SIGLEC12: variants seen among roughly 807,000 people sequenced by gnomAD.
SIGLEC12 encodes sialic acid binding Ig like lectin 12.
Under a neutral mutation model 54.1 loss-of-function variants are expected in SIGLEC12, and 43 were observed. That is an observed-to-expected ratio of 0.80 (90% CI 0.62 to 1.03). The LOEUF is 1.03. Ranked by LOEUF, SIGLEC12 falls within the 50% of genes least tolerant of loss-of-function variation. The pLI, the probability that SIGLEC12 is intolerant of heterozygous loss-of-function variation, is 0.00. For missense variants in SIGLEC12, 802 were observed against 735.2 expected (o/e 1.09, Z -1.05); for synonymous variants, 357 against 307.6 (o/e 1.16, Z -1.68).
intron 1 of SIGLEC12, 53 bp downstream of exon 1, chr19:51,501,254 C>T: frequency 6.3e-7 from 1 of 1,577,538 alleles, no homozygotes; most frequent in South Asian, 1.1e-5. Context: ...TCAGCCGTGC[C>T]CTAAAGCCCT....
rs1555775986 is a variant in SIGLEC12, at chr19:51,495,217, G to GGATGGA, written c.1599+1662_1599+1663insTCCATC. Among the ~76,000 whole-genome samples the GGATGGA allele has an allele frequency of 1.6e-4, 13 of 78,812 alleles. 2 individuals carry two copies. Among genetic ancestry groups the GGATGGA allele is most frequent in the East Asian group, 4.1e-4 (1 of 2,440 alleles). The allele number at this position is 78,812 out of a possible 152,430, so 51.7% of individuals were successfully genotyped here. A position where few individuals can be genotyped will look rare whatever the true frequency, so the allele number is the denominator to read the frequency against. ...GATGGATGGACGGACGGGTGGGTGGGTGGATGGATGGATGGATGGATGGAT... is the reference window on the plus strand; with the variant it reads ...GATGGATGGACGGACGGGTGGGTGGGGATGGATGGATGGATGGATGGATGGATGGAT... On this transcript the variant is annotated intron_variant, in intron 7 of 7. Coordinates refer to ENST00000291707, the MANE Select transcript of SIGLEC12 (RefSeq NM_053003.4).
At chr19:51,496,405 TG>T (rs2122212998) in intron 7 of SIGLEC12, among the ~76,000 whole-genome samples, 1 of 152,256 alleles carries the variant, frequency 6.6e-6, no homozygotes, top group Non-Finnish European at 1.5e-5. Context: ...GTGGAGGTTG[TG>T]GTGAGCTGAG....
chr19:51,497,384 G>A lies in SIGLEC12; in HGVS notation c.1467C>T (p.Ala489=). The change falls in exon 6 of 8, where the codon GCC becomes GCT. Residue 489 remains alanine, a synonymous_variant. Coordinates refer to ENST00000291707, the MANE Select transcript of SIGLEC12 (RefSeq NM_053003.4). ...LGAFGGAGAT[A]LVFLYFCIIF... The stretch of plus-strand genomic sequence containing the variant: ...TGATGCAGAAGTACAGGAAGACCAG[G>A]GCTGTGGCTCCAGCTCCCCCGAATG... 5 of 1,613,292 alleles carry A rather than the reference G, an allele frequency of 3.1e-6. No individual in the cohort carries two copies. Among genetic ancestry groups the A allele is most frequent in the Non-Finnish European group, 4.2e-6 (5 of 1,179,382 alleles).
At chr19:51,501,170 G>A in intron 1 of SIGLEC12, 137 bp downstream of exon 1, 4 of 915,302 alleles carry the variant, frequency 4.4e-6, no homozygotes, top group Non-Finnish European at 6.8e-6. Context: ...CGGTCCTGGG[G>A]AAGCTCAGGC....
chr19:51,499,491 G>A lies in SIGLEC12; in HGVS notation c.1034C>T (p.Thr345Ile), dbSNP rs1483869617. 1.9e-6 allele frequency: 3 copies of A among 1,607,060 alleles called. No individual in the cohort carries two copies. The highest frequency in any genetic ancestry group is 1.7e-6 in the Non-Finnish European group (2 of 1,176,980). The change falls in exon 3 of 8, where the codon ACC (threonine) becomes ATC (isoleucine). Residue 345 changes from threonine (T) to isoleucine (I), a missense_variant. By Grantham distance (89) the Thr-to-Ile change is moderately conservative (BLOSUM62 -1). Coordinates refer to ENST00000291707, the MANE Select transcript of SIGLEC12 (RefSeq NM_053003.4). ...DHGTSLTCQV[T>I]LPGAGVTMTR... ...CATGGTCACGCCGGCCCCAGGCAAG[G>A]TCACCTGACAGGTGAGGCTGGTGCC...
rs1162633872 is a variant in SIGLEC12, at chr19:51,497,683, AT to A, written c.1406-239del. ...TGGAATTATTTTACAATAATTTTTA[AT>A]TTTCGAAAAGATAATCACATGGCAA... On this transcript the variant is annotated intron_variant, in intron 5 of 7. Coordinates refer to ENST00000291707, the MANE Select transcript of SIGLEC12 (RefSeq NM_053003.4). Among the ~76,000 whole-genome samples, 4 of 152,158 alleles carry A rather than the reference AT, an allele frequency of 2.6e-5. No individual in the cohort carries two copies. The East Asian group carries it at 7.7e-4, about 29-fold the overall frequency.
Position 51,500,591 on chromosome 19 carries a change from A to G in SIGLEC12, c.428-291T>C, listed in dbSNP as rs956960170. Among the ~76,000 whole-genome samples, 6 of 152,130 alleles carry G rather than the reference A, an allele frequency of 3.9e-5. 1 individual carries two copies. The highest frequency in any genetic ancestry group is 8.8e-5 in the Non-Finnish European group (6 of 67,996). ...AGAGACCCTAGAGACCCACCCAGGG[A>G]GGAGAAGAGACCGTGTCCCGCCTCC... On this transcript the variant is annotated intron_variant, in intron 1 of 7. Coordinates refer to ENST00000291707, the MANE Select transcript of SIGLEC12 (RefSeq NM_053003.4).
intron 7 of SIGLEC12, among the ~76,000 whole-genome samples, chr19:51,494,563 A>T (rs1990178316): frequency 6.6e-6 from 1 of 152,260 alleles, no homozygotes; most frequent in Non-Finnish European, 1.5e-5. Context: ...CAGTTCCTTA[A>T]GATATTAAAA....
At position 51,491,511 on chromosome 19, in the gene SIGLEC12, T is replaced by C; in HGVS notation, c.*130A>G. The stretch of plus-strand genomic sequence containing the variant: ...GGTCATCAGGCACGCATTTTCAGTT[T>C]GACAAGAGGAATAAGTTCTGATGTC... On this transcript the variant is annotated 3_prime_UTR_variant, in exon 8 of 8. Transcript: ENST00000291707. The C allele has an allele frequency of 2.2e-6, 2 of 901,870 alleles. No individual in the cohort carries two copies. Among genetic ancestry groups the C allele is most frequent in the Non-Finnish European group, 3.4e-6 (2 of 585,648 alleles). The allele number at this position is 901,870 out of a possible 1,614,324, so 55.9% of individuals were successfully genotyped here.
Position 51,491,810 on chromosome 19 carries a change from G to C in SIGLEC12, c.1619C>G (p.Pro540Arg), listed in dbSNP as rs755424394. 3 of 1,576,804 alleles carry C rather than the reference G, an allele frequency of 1.9e-6. No individual in the cohort carries two copies. The highest frequency in any genetic ancestry group is 2.2e-5 in the East Asian group (1 of 44,532). Residue 540 changes from proline to arginine, a missense_variant, in exon 8 of 8, where the codon CCG becomes CGG. Physicochemically the swap from Pro to Arg is moderately radical, Grantham distance 103. Coordinates refer to ENST00000291707, the MANE Select transcript of SIGLEC12 (RefSeq NM_053003.4). Reference sequence around the variant, plus strand: ...ATGGTGTGGGGGGCTGTCATCTGCCGGGGATTCAATCAGGGGTCCCTGAAT... The same window carrying C: ...ATGGTGTGGGGGGCTGTCATCTGCCCGGGATTCAATCAGGGGTCCCTGAAT... The part of the protein sequence containing the change: ...SASQGPLIES[P>R]ADDSPPHHAP...
At chr19:51,491,944 G>T in intron 7 of SIGLEC12, 115 bp from the exon 8 acceptor site, 3 of 745,524 alleles carry the variant, frequency 4.0e-6, no homozygotes. Context: ...TGTGCACTTT[G>T]CTGAAATCTC....
At position 51,496,886 on chromosome 19, in the gene SIGLEC12, G is replaced by A; in HGVS notation, c.1593C>T (p.Ala531=). Residue 531 remains alanine, a synonymous_variant, in exon 7 of 8, where the codon GCC becomes GCT. Coordinates refer to ENST00000291707, the MANE Select transcript of SIGLEC12 (RefSeq NM_053003.4). ...MEDANAVRGS[A]SQGPLIESPA... is the part of the protein sequence containing the mutation. ...TGATTCAATGCTCACTCACCTGAGAGGCTGAGCCCCTGACAGCGTTTGCGT... is the reference window on the plus strand; with the variant it reads ...TGATTCAATGCTCACTCACCTGAGAAGCTGAGCCCCTGACAGCGTTTGCGT... The A allele has an allele frequency of 6.2e-7, 1 of 1,614,096 alleles. No individual in the cohort carries two copies. The highest frequency in any genetic ancestry group is 8.5e-7 in the Non-Finnish European group (1 of 1,179,990).
rs1272590143 is a variant in SIGLEC12, at chr19:51,491,448, G to A, written c.*193C>T. On this transcript the variant is annotated 3_prime_UTR_variant, in exon 8 of 8. Transcript: ENST00000291707. The stretch of plus-strand genomic sequence containing the variant: ...TGGTGGGTACCAGAGGCCGGGGGCG[G>A]GGAGTGTGGACCGATTGGATGGAGA... 3.5e-6 allele frequency: 2 copies of A among 576,594 alleles called. No homozygotes were observed. The highest frequency in any genetic ancestry group is 4.1e-5 in the South Asian group (2 of 48,404). The allele number at this position is 576,594 out of a possible 1,614,324, so 35.7% of individuals were successfully genotyped here. A position where few individuals can be genotyped will look rare whatever the true frequency, so the allele number is the denominator to read the frequency against.
Position 51,491,735 on chromosome 19 carries a change from T to C in SIGLEC12, c.1694A>G (p.Tyr565Cys). ...CGCTTTGTGGAAGCTGAGGGATGCA[T>C]ACTGGATCTCTCCTTCCTCTGGGGA... is the stretch of plus-strand genomic sequence containing the variant. ...TPSPEEGEIQ[Y>C]ASLSFHKARP... Residue 565 changes from tyrosine to cysteine, a missense_variant, in exon 8 of 8, where the codon TAT (tyrosine) becomes TGT (cysteine). By Grantham distance (194) the Tyr-to-Cys change is radical. Coordinates refer to ENST00000291707, the MANE Select transcript of SIGLEC12 (RefSeq NM_053003.4). 1 of 1,613,422 alleles carries C rather than the reference T, an allele frequency of 6.2e-7. No individual in the cohort carries two copies. The highest frequency in any genetic ancestry group is 1.1e-5 in the South Asian group (1 of 91,050).
At position 51,501,694 on chromosome 19, in the gene SIGLEC12, C is replaced by T; in HGVS notation, c.40G>A (p.Gly14Arg). Residue 14 changes from glycine to arginine, a missense_variant, in exon 1 of 8, where the codon GGG becomes AGG. Transcript: ENST00000291707. ...LLLLLPPLLC[G>R]RVGAKEQKDY... ...TTCTGTTCCTTAGCCCCCACTCTCC[C>T]ACAGAGCAGGGGTGGCAGCAGTAGC... The T allele has an allele frequency of 6.2e-7, 1 of 1,613,534 alleles. No individual in the cohort carries two copies. The highest frequency in any genetic ancestry group is 8.5e-7 in the Non-Finnish European group (1 of 1,179,642).
Position 51,496,888 on chromosome 19 carries a change from C to T in SIGLEC12, c.1591G>A (p.Ala531Thr). 1 of 1,614,110 alleles carries T rather than the reference C, an allele frequency of 6.2e-7. No individual in the cohort carries two copies. The highest frequency in any genetic ancestry group is 8.5e-7 in the Non-Finnish European group (1 of 1,179,992). ...MEDANAVRGS[A>T]SQGPLIESPA... ...ATTCAATGCTCACTCACCTGAGAGG[C>T]TGAGCCCCTGACAGCGTTTGCGTCC... Residue 531 changes from alanine to threonine, a missense_variant, in exon 7 of 8, where the codon GCC becomes ACC. By Grantham distance (58) the Ala-to-Thr change is moderately conservative. Coordinates refer to ENST00000291707, the MANE Select transcript of SIGLEC12 (RefSeq NM_053003.4).
Position 51,498,215 on chromosome 19 carries a change from A to G in SIGLEC12, c.1208T>C (p.Val403Ala), listed in dbSNP as rs1405875528. ...CAGCCTGGCAGGGGGATTGCTGTCG[A>G]CAGCACAGACAAGGTGCAGGGACTG... ...EGQSLHLVCA[V>A]DSNPPARLSW... Residue 403 changes from valine to alanine, a missense_variant, in exon 5 of 8, where the codon GTC (valine) becomes GCC (alanine). By Grantham distance (64) the Val-to-Ala change is moderately conservative. Coordinates refer to ENST00000291707, the MANE Select transcript of SIGLEC12 (RefSeq NM_053003.4). 6.2e-6 allele frequency: 10 copies of G among 1,614,176 alleles called. No homozygotes were observed. Among genetic ancestry groups the G allele is most frequent in the Non-Finnish European group, 7.6e-6 (9 of 1,179,990 alleles).
chr19:51,497,091 G>A lies in SIGLEC12; in HGVS notation c.1503-115C>T, dbSNP rs112541366. 5.2e-6 allele frequency: 8 copies of A among 1,531,306 alleles called. No individual in the cohort carries two copies. The Admixed American group carries it at 5.4e-5, about 10-fold the overall frequency. 94.9% of individuals were successfully genotyped at this position (1,531,306 alleles called of 1,614,324 possible). A position where few individuals can be genotyped will look rare whatever the true frequency, so the allele number is the denominator to read the frequency against. On this transcript the variant is annotated intron_variant, in intron 6 of 7. Coordinates refer to ENST00000291707, the MANE Select transcript of SIGLEC12 (RefSeq NM_053003.4). ...GCTGGAGGGGTAACTGAGGCGGGAG[G>A]GGAGTGGTCCCATTCCAGAGACCCC...
Position 51,499,479 on chromosome 19 carries a change from G to A in SIGLEC12, c.1046C>T (p.Ala349Val). Residue 349 changes from alanine (A) to valine (V), a missense_variant, in exon 3 of 8, where the codon GCC (alanine) becomes GTC (valine). Coordinates refer to ENST00000291707, the MANE Select transcript of SIGLEC12 (RefSeq NM_053003.4). Reference sequence around the variant, plus strand: ...GACAGCCCTGGTCATGGTCACGCCGGCCCCAGGCAAGGTCACCTGACAGGT... The same window carrying A: ...GACAGCCCTGGTCATGGTCACGCCGACCCCAGGCAAGGTCACCTGACAGGT... ...SLTCQVTLPG[A>V]GVTMTRAVRL... 1 of 1,604,560 alleles carries A rather than the reference G, an allele frequency of 6.2e-7. No individual in the cohort carries two copies.
Sources: gnomAD v4.1 joint callset for allele counts (sites outside exome capture counted in the v4.1 genomes callset) on GRCh38, gnomAD v4.1.1 for gene constraint, MANE v1.5 for transcripts, NCBI Gene and HGNC (gene_info 2026-07-23, HGNC 2026-07-21) for gene names.